Variants in DAGLA observed in about 807,000 individuals in gnomAD.
The protein encoded by DAGLA is diacylglycerol lipase alpha, also known as diacylglycerol lipase-alpha.
Under a neutral mutation model 102.6 loss-of-function variants are expected in DAGLA, and 22 were observed. The ratio of observed to expected loss-of-function variants is 0.21; its 90% CI spans 0.15 to 0.31. The LOEUF (loss-of-function observed/expected upper bound fraction) is 0.31. Among genes scored for constraint, DAGLA ranks in the 10% least tolerant of loss-of-function variants. The pLI, the probability that DAGLA is intolerant of heterozygous loss-of-function variation, is 1.00. For synonymous variants in DAGLA, 578 were observed against 628.9 expected, an observed-to-expected ratio of 0.92 and a Z score of 1.21; for missense variants, 927 against 1,446.6, an observed-to-expected ratio of 0.64 and a Z score of 5.83.
At chr11:61,737,419 T>C in intron 14 of DAGLA, 95 bp downstream of exon 14, 1 of 1,550,356 alleles carries the variant, frequency 6.5e-7, no homozygotes, top group Non-Finnish European at 8.8e-7. Flanking sequence ...GGAGTCTGAC[T>C]TCTGGTCACA....
chr11:61,720,554 T>G, intron 2 of DAGLA, 125 bp from the exon 3 acceptor site: 3 of 865,210 alleles, frequency 3.5e-6, no homozygotes, highest in Non-Finnish European at 5.5e-6. Context: ...AATGGTCTTA[T>G]GGAGGAGGTG....
At chr11:61,718,831 C>T (rs569586658) in intron 1 of DAGLA, among the ~76,000 whole-genome samples, 88 of 152,322 alleles carry the variant, frequency 5.8e-4, no homozygotes, top group Non-Finnish European at 1.1e-3. Flanking sequence ...GGCGGACATG[C>T]GGGCTGGCCA....
chr11:61,723,289 A>G, intron 4 of DAGLA, 145 bp from the exon 5 acceptor site: 1 of 1,184,622 alleles, frequency 8.4e-7, no homozygotes, highest in Non-Finnish European at 1.2e-6. Flanking sequence ...GTGGCCAGAG[A>G]CTGGGACCAG....
At chr11:61,694,949 G>T (rs904366385) in intron 1 of DAGLA, among the ~76,000 whole-genome samples, 1 of 152,172 alleles carries the variant, frequency 6.6e-6, no homozygotes, top group African/African-American at 2.4e-5. Flanking sequence ...CCAAACATGT[G>T]CACGTCTCCC....
In DAGLA at chr11:61,744,350, C is replaced by G; in HGVS notation, c.2990C>G (p.Ser997Trp). The G allele has an allele frequency of 1.2e-6, 2 of 1,612,604 alleles. No individual in the cohort carries two copies. Among genetic ancestry groups the G allele is most frequent in the Non-Finnish European group, 1.7e-6 (2 of 1,179,750 alleles). ...SLSPSFPLSSSGELMDLTPTG... is the reference protein window; with the variant it reads ...SLSPSFPLSSWGELMDLTPTG... ...TCGCCCTCCTTCCCGCTCAGCTCCT[C>G]GGGTGAGCTCATGGACCTGACGCCC... The change falls in exon 20 of 20, where the codon TCG becomes TGG. Residue 997 changes from serine to tryptophan, a missense_variant. This residue lies in a region of DAGLA where 434 missense variants were observed against 503.3 expected (regional missense o/e 0.86). Coordinates refer to ENST00000257215, the MANE Select transcript of DAGLA (RefSeq NM_006133.3).
At chr11:61,715,786 A>G (rs1372935057) in intron 1 of DAGLA, among the ~76,000 whole-genome samples, 1 of 152,248 alleles carries the variant, frequency 6.6e-6, no homozygotes, top group Non-Finnish European at 1.5e-5. Flanking sequence ...CTAATGCAAC[A>G]GCAGCCATCA....
chr11:61,725,227 C>T lies in DAGLA; in HGVS notation c.549-768C>T, dbSNP rs142631048. ...GGATCTGTTATCTTTATGCTCAACA[C>T]ACTGACTGCAGACATCCAGCCTAGG... On this transcript the variant is annotated intron_variant, in intron 5 of 19. Transcript: ENST00000257215. Among the ~76,000 whole-genome samples the T allele has an allele frequency of 5.2e-3, 799 of 152,306 alleles. 3 individuals carry two copies. Among genetic ancestry groups the T allele is most frequent in the African/African-American group, 0.018 (767 of 41,556 alleles).
In DAGLA at chr11:61,729,019, C is replaced by T. The variant is rs755606889; in HGVS notation, c.849+11C>T. 2 of 1,611,034 alleles carry T rather than the reference C, an allele frequency of 1.2e-6. No individual in the cohort carries two copies. The highest frequency in any genetic ancestry group is 1.7e-6 in the Non-Finnish European group (2 of 1,177,162). On this transcript the variant is annotated intron_variant, in intron 8 of 19. Coordinates refer to ENST00000257215, the MANE Select transcript of DAGLA (RefSeq NM_006133.3). ...GACCTCAAGAATTCAGTGAGTCAGA[C>T]ATCAACTCTCACCCCACCCCGTCCC...
Position 61,711,000 on chromosome 11 carries a change from T to C in DAGLA, c.-44-9112T>C, listed in dbSNP as rs1052228954. Among the ~76,000 whole-genome samples the C allele has an allele frequency of 2.6e-5, 4 of 152,184 alleles. No individual in the cohort carries two copies. The South Asian group carries it at 6.2e-4, about 24-fold the overall frequency. Reference sequence around the variant, plus strand: ...AAGATTCAAATTCGGGCTGCCCTGCTCTGGGGCCAGAAGGCAGGCCTCGGT... The same window carrying C: ...AAGATTCAAATTCGGGCTGCCCTGCCCTGGGGCCAGAAGGCAGGCCTCGGT... On this transcript the variant is annotated intron_variant, in intron 1 of 19. Coordinates refer to ENST00000257215, the MANE Select transcript of DAGLA (RefSeq NM_006133.3).
In DAGLA at chr11:61,739,218, A is replaced by T. The variant is rs1056240776; in HGVS notation, c.1657-247A>T. Among the ~76,000 whole-genome samples, 4 of 152,202 alleles carry T rather than the reference A, an allele frequency of 2.6e-5. No individual in the cohort carries two copies. In the South Asian group the frequency reaches 8.3e-4, roughly 32 times the overall value. Reference sequence around the variant, plus strand: ...GCTTCCAGCCCCTTGCCAGCCCTGAAATTCAACAATTCCATGTCATCTGTC... The same window carrying T: ...GCTTCCAGCCCCTTGCCAGCCCTGATATTCAACAATTCCATGTCATCTGTC... On this transcript the variant is annotated intron_variant, in intron 16 of 19. Transcript: ENST00000257215.
chr11:61,721,855 C>T (rs1179269466), intron 3 of DAGLA, among the ~76,000 whole-genome samples: 1 of 152,258 alleles, frequency 6.6e-6, no homozygotes, highest in Non-Finnish European at 1.5e-5. Context: ...CTAGCTCTCA[C>T]ACAACTAGTA....
chr11:61,689,954 G>A (rs538339098), intron 1 of DAGLA, among the ~76,000 whole-genome samples: 3 of 152,266 alleles, frequency 2.0e-5, no homozygotes, highest in South Asian at 2.1e-4. Context: ...AGAGTTGGGG[G>A]ATCATGACTT....
At position 61,731,452 on chromosome 11, in the gene DAGLA, C is replaced by G; in HGVS notation, c.974+11C>G. ...GGCTCGGTCCTGCTCGTGAGTACCC[C>G]TGTCCCATCCCCCAGCGATTGCACC... On this transcript the variant is annotated intron_variant, in intron 9 of 19. Coordinates refer to ENST00000257215, the MANE Select transcript of DAGLA (RefSeq NM_006133.3). 6.2e-7 allele frequency: 1 copy of G among 1,612,700 alleles called. No homozygotes were observed. The highest frequency in any genetic ancestry group is 1.1e-5 in the South Asian group (1 of 91,036).
intron 1 of DAGLA, among the ~76,000 whole-genome samples, chr11:61,692,539 T>C (rs1265646475): frequency 1.3e-5 from 2 of 152,154 alleles, no homozygotes; most frequent in East Asian, 1.9e-4. Flanking sequence ...GACCACTCAT[T>C]GCCTGAGAGA....
At chr11:61,706,565 G>T (rs542577890) in intron 1 of DAGLA, among the ~76,000 whole-genome samples, 11 of 152,134 alleles carry the variant, frequency 7.2e-5, no homozygotes, top group Non-Finnish European at 1.3e-4. Flanking sequence ...TAAAACAGGC[G>T]GGGGGTGCAC....
At chr11:61,685,847 G>T (rs2064982390) in intron 1 of DAGLA, among the ~76,000 whole-genome samples, 1 of 152,076 alleles carries the variant, frequency 6.6e-6, no homozygotes, top group Admixed American at 6.6e-5. Flanking sequence ...GCTGGGAGGG[G>T]AAACTGCTGC....
chr11:61,744,208 C>T lies in DAGLA; in HGVS notation c.2848C>T (p.Pro950Ser), dbSNP rs754312662. 1.2e-6 allele frequency: 2 copies of T among 1,612,986 alleles called. No individual in the cohort carries two copies. Among genetic ancestry groups the T allele is most frequent in the East Asian group, 2.2e-5 (1 of 44,866 alleles). Residue 950 changes from proline (P) to serine (S), a missense_variant, in exon 20 of 20, where the codon CCC becomes TCC. Transcript: ENST00000257215. The part of the protein sequence containing the change: ...ESPTSDYAEG[P>S]KSPSQQEILL... ...CCCCACCAGTGACTACGCTGAGGGC[C>T]CCAAGTCCCCCAGCCAGCAAGAGAT...
In DAGLA at chr11:61,734,623, G is replaced by A. The variant is rs770324722; in HGVS notation, c.975-226G>A. 1.3e-4 allele frequency among the ~76,000 whole-genome samples: 20 copies of A among 152,182 alleles called. No individual in the cohort carries two copies. The highest frequency in any genetic ancestry group is 5.9e-5 in the Non-Finnish European group (4 of 68,012). ...AGGGGGCCCCAGCCAGGTGGGGAGA[G>A]GGAAGGGCCCACAGGGTCAGGTGCC... On this transcript the variant is annotated intron_variant, in intron 9 of 19. Transcript: ENST00000257215. This position sits in a 1 kb window ranked among gnomAD's most constrained non-coding sequence, Gnocchi z 4.2.
At chr11:61,702,492 G>A (rs574912098) in intron 1 of DAGLA, among the ~76,000 whole-genome samples, 3 of 152,294 alleles carry the variant, frequency 2.0e-5, no homozygotes, top group East Asian at 1.9e-4. Flanking sequence ...GGGGGATGGG[G>A]GTAAAAGTGG....
Sources: gnomAD v4.1 joint callset for allele counts (sites outside exome capture counted in the v4.1 genomes callset) on GRCh38, gnomAD v4.1.1 for gene constraint, gnomAD v4.1.1 regional missense constraint, Gnocchi (gnomAD v3.1) non-coding constraint, MANE v1.5 for transcripts, NCBI Gene and HGNC (gene_info 2026-07-23, HGNC 2026-07-21) for gene names.